Variants in ANXA8 observed in about 807,000 individuals in gnomAD.
ANXA8 encodes the protein VAC-beta.
Under a neutral mutation model 26.8 loss-of-function variants are expected in ANXA8, and 9 were observed. The observed-to-expected ratio is 0.34, with a 90% CI of 0.20 to 0.59. The LOEUF is 0.59. Ranked by LOEUF, ANXA8 falls within the 20% of genes least tolerant of loss-of-function variation. The pLI is 0.84. For missense variants in ANXA8, 83 were observed against 238.5 expected (o/e 0.35, Z 4.29); for synonymous variants, 39 against 94.8 (o/e 0.41, Z 3.42).
chr10:47,503,254 C>G, the ANXA8 span: 1 of 1,544,816 alleles, frequency 6.5e-7, no homozygotes, highest in African/African-American at 1.4e-5. Flanking sequence ...TTTTCCACTT[C>G]GCTTTAAGAG....
the ANXA8 span, among the ~76,000 whole-genome samples, chr10:47,945,324 C>T: frequency 6.7e-6 from 1 of 150,250 alleles, no homozygotes; most frequent in South Asian, 2.1e-4. Flanking sequence ...GCAATGTTGA[C>T]TGAATCAGGA....
the ANXA8 span, among the ~76,000 whole-genome samples, chr10:47,724,304 C>T: frequency 7.2e-6 from 1 of 138,074 alleles, no homozygotes; most frequent in African/African-American, 2.7e-5. Context: ...TGGTGGGGCT[C>T]CTCCTGGCCT....
chr10:47,558,528 GAT>G, the ANXA8 span, among the ~76,000 whole-genome samples: 4 of 115,630 alleles, frequency 3.5e-5, no homozygotes, highest in African/African-American at 1.4e-4. Flanking sequence ...AGGGTTTTAA[GAT>G]GTGTGTGTGT....
At chr10:47,503,267 T>C in the ANXA8 span, 10 of 1,564,250 alleles carry the variant, frequency 6.4e-6, 2 homozygotes, top group South Asian at 1.1e-4. Context: ...TTTAAGAGCA[T>C]GCCCTGTTTA....
chr10:47,516,892 CTACT>C, the ANXA8 span, among the ~76,000 whole-genome samples: 2 of 118,354 alleles, frequency 1.7e-5, no homozygotes, highest in Non-Finnish European at 3.3e-5. Context: ...CACCCAGAGG[CTACT>C]TAATGATATT....
chr10:47,980,961 C>G, the ANXA8 span, among the ~76,000 whole-genome samples: 1 of 151,310 alleles, frequency 6.6e-6, no homozygotes, highest in Non-Finnish European at 1.5e-5. Context: ...TCAACTCATT[C>G]TATGATGTCA....
the ANXA8 span, among the ~76,000 whole-genome samples, chr10:47,594,896 A>C: frequency 6.7e-6 from 1 of 149,214 alleles, no homozygotes; most frequent in Non-Finnish European, 1.5e-5. Flanking sequence ...TGACATGCAT[A>C]CACCAGAAAT....
chr10:47,536,356 C>A, the ANXA8 span, among the ~76,000 whole-genome samples: 2 of 44,818 alleles, frequency 4.5e-5, no homozygotes, highest in South Asian at 1.7e-3. Flanking sequence ...CCAAAAAATG[C>A]AGGCAGACTC....
chr10:47,510,698 C>T, the ANXA8 span, among the ~76,000 whole-genome samples: 1 of 118,402 alleles, frequency 8.4e-6, no homozygotes, highest in Non-Finnish European at 1.7e-5. Flanking sequence ...GGCGTGGTAG[C>T]AGGCCCCTGT....
At chr10:47,484,244 G>T (rs1839971156), upstream of ANXA8, 1 of 692,578 alleles carries the variant, frequency 1.4e-6, no homozygotes, top group Non-Finnish European at 2.7e-6. Flanking sequence ...GAAATTCTTA[G>T]CTCCAGCCTG....
the ANXA8 span, chr10:47,991,539 C>T: frequency 6.4e-7 from 1 of 1,573,822 alleles, no homozygotes; most frequent in Non-Finnish European, 8.7e-7. Flanking sequence ...CCCTTCCCAC[C>T]CTCCATGCTT....
At chr10:47,771,549 A>G in the ANXA8 span, among the ~76,000 whole-genome samples, 1 of 151,694 alleles carries the variant, frequency 6.6e-6, no homozygotes, top group Non-Finnish European at 1.5e-5. Flanking sequence ...TTTATTCTTT[A>G]CAACCACCAT....
At chr10:47,511,084 C>T in the ANXA8 span, among the ~76,000 whole-genome samples, 1 of 124,514 alleles carries the variant, frequency 8.0e-6, no homozygotes, top group African/African-American at 3.3e-5. Flanking sequence ...GCTGGGACTA[C>T]AGGCGCCCAC....
the ANXA8 span, among the ~76,000 whole-genome samples, chr10:47,901,686 G>T: frequency 8.7e-6 from 1 of 115,504 alleles, no homozygotes. Flanking sequence ...TTTTCTATAC[G>T]TCCTGTTTCT....
At chr10:47,918,356 G>GGAGAGAGA in the ANXA8 span, among the ~76,000 whole-genome samples, 5 of 17,744 alleles carry the variant, frequency 2.8e-4, no homozygotes, top group African/African-American at 1.7e-3. Context: ...GGGGAGGGAG[G>GGAGAGAGA]GAGAGAGAGA....
At chr10:47,735,235 G>C in the ANXA8 span, among the ~76,000 whole-genome samples, 1 of 139,416 alleles carries the variant, frequency 7.2e-6, no homozygotes, top group African/African-American at 2.7e-5. Context: ...TGGTAGCTGG[G>C]ACTATAAGGG....
the ANXA8 span, among the ~76,000 whole-genome samples, chr10:47,692,936 T>C: frequency 1.3e-5 from 2 of 151,388 alleles, no homozygotes; most frequent in South Asian, 2.1e-4. Flanking sequence ...GGTTTCACCA[T>C]GTTGGCCGGG....
chr10:47,974,821 G>A, the ANXA8 span, among the ~76,000 whole-genome samples: 1 of 149,640 alleles, frequency 6.7e-6, no homozygotes, highest in African/African-American at 2.4e-5. Flanking sequence ...TCAGCATATG[G>A]TTGATCTGAG....
At chr10:47,743,339 T>C in the ANXA8 span, among the ~76,000 whole-genome samples, 85 of 59,260 alleles carry the variant, frequency 1.4e-3, 2 homozygotes, top group African/African-American at 4.3e-3. Flanking sequence ...CATATATATA[T>C]ACATATATAT....
Sources: gnomAD v4.1 joint callset for allele counts (sites outside exome capture counted in the v4.1 genomes callset) on GRCh38, gnomAD v4.1.1 for gene constraint, MANE v1.5 for transcripts, NCBI Gene and HGNC (gene_info 2026-07-23, HGNC 2026-07-21) for gene names.